Variants in ZDHHC14 observed in about 807,000 individuals in gnomAD.
ZDHHC14 encodes zDHHC palmitoyltransferase 14.
Under a neutral mutation model 47.7 loss-of-function variants are expected in ZDHHC14, and 16 were observed. The ratio of observed to expected loss-of-function variants is 0.34; its 90% CI spans 0.23 to 0.51. The LOEUF is 0.51. Among genes scored for constraint, ZDHHC14 ranks in the 20% least tolerant of loss-of-function variants. The pLI, the probability that ZDHHC14 is intolerant of heterozygous loss-of-function variation, is 0.97. For missense variants in ZDHHC14, 515 were observed against 662.5 expected (o/e 0.78, Z 2.44); for synonymous variants, 293 against 278.9 (o/e 1.05, Z -0.50).
chr6:157,543,294 C>G (rs533149742), intron 2 of ZDHHC14, among the ~76,000 whole-genome samples: 1 of 151,932 alleles, frequency 6.6e-6, no homozygotes, highest in Non-Finnish European at 1.5e-5. Flanking sequence ...TTATTACAAC[C>G]CATTTTGAAG....
intron 1 of ZDHHC14, among the ~76,000 whole-genome samples, chr6:157,520,171 G>A (rs1173782094): frequency 1.3e-5 from 2 of 152,158 alleles, no homozygotes; most frequent in Non-Finnish European, 2.9e-5. Flanking sequence ...ATCTGGGGCC[G>A]TGGCTCTTGG....
At chr6:157,450,516 TAA>T (rs35262370) in intron 1 of ZDHHC14, among the ~76,000 whole-genome samples, 8 of 137,692 alleles carry the variant, frequency 5.8e-5, no homozygotes, top group Admixed American at 7.3e-5. Flanking sequence ...GACTCCGTCT[TAA>T]AAAAAAAAAA....
chr6:157,517,140 A>T (rs2114759293), intron 1 of ZDHHC14, among the ~76,000 whole-genome samples: 1 of 152,146 alleles, frequency 6.6e-6, no homozygotes, highest in South Asian at 2.1e-4. Flanking sequence ...CTCTCCTTGG[A>T]ATCTTTGTTG....
At chr6:157,501,287 A>G (rs904608785) in intron 1 of ZDHHC14, among the ~76,000 whole-genome samples, 2 of 152,046 alleles carry the variant, frequency 1.3e-5, no homozygotes, top group East Asian at 3.8e-4. Flanking sequence ...GACATACTTT[A>G]TATGGTTTCT....
intron 2 of ZDHHC14, among the ~76,000 whole-genome samples, chr6:157,546,428 AT>A (rs1224127689): frequency 6.6e-6 from 1 of 152,174 alleles, no homozygotes; most frequent in Non-Finnish European, 1.5e-5. Flanking sequence ...TTTATTGAAG[AT>A]TTGCCAAGGA....
chr6:157,506,949 TA>T (rs1264354386), intron 1 of ZDHHC14, among the ~76,000 whole-genome samples: 4 of 152,158 alleles, frequency 2.6e-5, no homozygotes, highest in African/African-American at 9.7e-5. Context: ...ACATATAGTT[TA>T]AAAGGCCAAA....
intron 2 of ZDHHC14, among the ~76,000 whole-genome samples, chr6:157,580,475 C>T (rs1381302013): frequency 3.3e-5 from 5 of 152,106 alleles, no homozygotes; most frequent in Non-Finnish European, 5.9e-5. Flanking sequence ...GGTACCAGCT[C>T]TTTATATATC....
rs377515268 is a variant in ZDHHC14 at position 157,484,626 on chromosome 6, G to T, written c.246-57959G>T. Among the ~76,000 whole-genome samples, 413 of 151,418 alleles carry T rather than the reference G, an allele frequency of 2.7e-3. 2 individuals are homozygous for T. The highest frequency in any genetic ancestry group is 9.8e-3 in the African/African-American group (404 of 41,336). ...AGTTTTTCCTCTAATATTTTACAAA[G>T]AAATAATCCTTTCGGGCAATCAAAA... is the stretch of plus-strand genomic sequence containing the variant. On this transcript the variant is annotated intron_variant, in intron 1 of 8. Transcript: ENST00000359775.
Position 157,582,253 on chromosome 6 carries a change from A to C in ZDHHC14, c.407-10735A>C, listed in dbSNP as rs1477146577. On this transcript the variant is annotated intron_variant, in intron 2 of 8. Coordinates refer to ENST00000359775, the MANE Select transcript of ZDHHC14 (RefSeq NM_024630.3). This position sits in a 1 kb window ranked among gnomAD's most constrained non-coding sequence, Gnocchi z 4.3. ...ATTTACATTCAAAGTTAGTATTGAT[A>C]TGTGCGGATTTGATCTTGTCATCAC... Among the ~76,000 whole-genome samples, 1 of 152,154 alleles carries C rather than the reference A, an allele frequency of 6.6e-6. No homozygotes were observed. The highest frequency in any genetic ancestry group is 2.4e-5 in the African/African-American group (1 of 41,442).
chr6:157,495,235 T>C (rs1780031300), intron 1 of ZDHHC14, among the ~76,000 whole-genome samples: 1 of 151,234 alleles, frequency 6.6e-6, no homozygotes, highest in African/African-American at 2.5e-5. Flanking sequence ...AAGCTATAAT[T>C]TTGTTGTCCT....
chr6:157,649,911 C>A (rs539114760), intron 7 of ZDHHC14, among the ~76,000 whole-genome samples: 1 of 152,228 alleles, frequency 6.6e-6, no homozygotes, highest in Admixed American at 6.5e-5. Context: ...CCATTGACTG[C>A]CCATGTGCGG....
At chr6:157,516,306 G>T (rs935819393) in intron 1 of ZDHHC14, among the ~76,000 whole-genome samples, 1 of 152,176 alleles carries the variant, frequency 6.6e-6, no homozygotes, top group Non-Finnish European at 1.5e-5. Context: ...GTGAACATCC[G>T]TATATAGCAT....
At chr6:157,668,003 C>T (rs531001333) in intron 8 of ZDHHC14, among the ~76,000 whole-genome samples, 1 of 152,322 alleles carries the variant, frequency 6.6e-6, no homozygotes, top group Admixed American at 6.5e-5. Context: ...AGATGGGTGA[C>T]ACCCTGCAGA....
chr6:157,406,325 A>T (rs1453025248), intron 1 of ZDHHC14, among the ~76,000 whole-genome samples: 2 of 152,236 alleles, frequency 1.3e-5, no homozygotes, highest in Non-Finnish European at 2.9e-5. Flanking sequence ...ATTCTTGAAC[A>T]TGTGATGTCT....
Position 157,593,111 on chromosome 6 carries a change from G to T in ZDHHC14, c.530G>T (p.Arg177Leu). 1.9e-6 allele frequency: 3 copies of T among 1,613,950 alleles called. No individual in the cohort carries two copies. The highest frequency in any genetic ancestry group is 2.5e-6 in the Non-Finnish European group (3 of 1,179,884). ...CFTCKIFRPP[R>L]ASHCSLCDNC... Reference sequence around the variant, plus strand: ...ACCTGCAAGATTTTCCGGCCCCCTCGCGCCTCCCATTGCAGCCTTTGTGAT... The same window carrying T: ...ACCTGCAAGATTTTCCGGCCCCCTCTCGCCTCCCATTGCAGCCTTTGTGAT... The change falls in exon 3 of 9, where the codon CGC becomes CTC. Residue 177 changes from arginine to leucine, a missense_variant. This residue lies in a region of ZDHHC14 where 229 missense variants were observed against 351.5 expected (regional missense o/e 0.65). Coordinates refer to ENST00000359775, the MANE Select transcript of ZDHHC14 (RefSeq NM_024630.3).
At chr6:157,387,461 C>G (rs1241797415) in intron 1 of ZDHHC14, among the ~76,000 whole-genome samples, 1 of 152,190 alleles carries the variant, frequency 6.6e-6, no homozygotes, top group Admixed American at 6.5e-5. Flanking sequence ...AACCTCTCCA[C>G]CATCTCAGAA....
chr6:157,472,009 G>A (rs1435994241), intron 1 of ZDHHC14, among the ~76,000 whole-genome samples: 1 of 152,150 alleles, frequency 6.6e-6, no homozygotes, highest in Non-Finnish European at 1.5e-5. Flanking sequence ...AAGGCAGGGC[G>A]GGTGTCCACC....
chr6:157,563,701 C>G (rs1782799446), intron 2 of ZDHHC14, among the ~76,000 whole-genome samples: 1 of 152,220 alleles, frequency 6.6e-6, no homozygotes, highest in South Asian at 2.1e-4. Context: ...GAACTAGGAC[C>G]AGAGGCACAA....
intron 2 of ZDHHC14, among the ~76,000 whole-genome samples, chr6:157,567,032 G>A (rs1176714238): frequency 6.6e-6 from 1 of 151,864 alleles, no homozygotes; most frequent in Non-Finnish European, 1.5e-5. Flanking sequence ...TGTATTTTTA[G>A]TAGAGACGGG....
Sources: allele counts gnomAD v4.1 joint callset (sites outside exome capture counted in the v4.1 genomes callset), GRCh38; gene constraint gnomAD v4.1.1; regional missense constraint gnomAD v4.1.1; non-coding constraint Gnocchi (gnomAD v3.1); transcripts MANE v1.5; gene names NCBI Gene and HGNC (gene_info 2026-07-23, HGNC 2026-07-21).